KHDRBS2: variants seen among roughly 807,000 people sequenced by gnomAD.
KHDRBS2 encodes KH RNA binding domain containing, signal transduction associated 2.
In KHDRBS2, 26 loss-of-function variants were observed where a neutral mutation model predicts 44.3. The observed-to-expected ratio is 0.59, with a 90% CI of 0.43 to 0.81. KHDRBS2 has a LOEUF of 0.81. KHDRBS2 is among the 40% of genes least tolerant of loss of function. KHDRBS2 has a pLI of 0.00. For missense variants in KHDRBS2, 476 were observed against 433.1 expected (o/e 1.10, Z -0.88); for synonymous variants, 194 against 151.1 (o/e 1.28, Z -2.08).
At chr6:61,820,125 G>T (rs9453143) in intron 6 of KHDRBS2, among the ~76,000 whole-genome samples, 1,815 of 152,150 alleles carry the variant, frequency 0.012, 42 homozygotes, top group African/African-American at 0.042. Flanking sequence ...GAGCCAGAAA[G>T]AAAGTTAATG....
chr6:61,972,461 A>G (rs1771633336), intron 4 of KHDRBS2, among the ~76,000 whole-genome samples: 1 of 152,198 alleles, frequency 6.6e-6, no homozygotes, highest in Admixed American at 6.5e-5. Context: ...ACTAATAATT[A>G]CATAAATACA....
At chr6:62,108,093 T>C (rs1374519429) in intron 2 of KHDRBS2, among the ~76,000 whole-genome samples, 1 of 151,994 alleles carries the variant, frequency 6.6e-6, no homozygotes, top group Non-Finnish European at 1.5e-5. Context: ...AATGGACAAA[T>C]GGGATCTAAT....
the KHDRBS2 span, among the ~76,000 whole-genome samples, chr6:61,607,062 A>C: frequency 2.0e-5 from 3 of 152,258 alleles, no homozygotes; most frequent in Admixed American, 1.3e-4. Context: ...TAATATAGAA[A>C]ATAGGAAAAA....
At chr6:61,643,179 G>T in the KHDRBS2 span, among the ~76,000 whole-genome samples, 1 of 152,008 alleles carries the variant, frequency 6.6e-6, no homozygotes, top group East Asian at 1.9e-4. Flanking sequence ...AGCAAATTCT[G>T]TATATAAAAG....
At chr6:61,966,143 A>G (rs1334824226) in intron 4 of KHDRBS2, among the ~76,000 whole-genome samples, 1 of 152,038 alleles carries the variant, frequency 6.6e-6, no homozygotes, top group Non-Finnish European at 1.5e-5. Flanking sequence ...TTACGCTTAA[A>G]ATGAAATCTG....
chr6:61,728,331 A>G (rs1425303999), intron 7 of KHDRBS2, among the ~76,000 whole-genome samples: 1 of 152,032 alleles, frequency 6.6e-6, no homozygotes, highest in Non-Finnish European at 1.5e-5. Context: ...AGAATAGCTA[A>G]TGGATGCTGG....
At chr6:61,849,326 T>C (rs1414872529) in intron 6 of KHDRBS2, among the ~76,000 whole-genome samples, 1 of 152,116 alleles carries the variant, frequency 6.6e-6, no homozygotes, top group Non-Finnish European at 1.5e-5. Flanking sequence ...TGTCTGAGAG[T>C]AATGATTTCA....
chr6:61,936,936 A>G (rs1811133937), intron 4 of KHDRBS2, among the ~76,000 whole-genome samples: 1 of 152,066 alleles, frequency 6.6e-6, no homozygotes, highest in Non-Finnish European at 1.5e-5. Flanking sequence ...TAATTTATCC[A>G]TCTGAAGACT....
At chr6:61,778,610 T>A (rs1247516291) in intron 6 of KHDRBS2, among the ~76,000 whole-genome samples, 1 of 152,150 alleles carries the variant, frequency 6.6e-6, no homozygotes, top group Non-Finnish European at 1.5e-5. Context: ...ATGGACAGTT[T>A]TCTAAAGTTA....
chr6:61,642,753 A>G, the KHDRBS2 span, among the ~76,000 whole-genome samples: 1 of 152,158 alleles, frequency 6.6e-6, no homozygotes, highest in Non-Finnish European at 1.5e-5. Context: ...ATGTGCCTAC[A>G]TAAATAATGC....
chr6:61,816,763 A>G (rs1789020128), intron 6 of KHDRBS2: 1 of 371,226 alleles, frequency 2.7e-6, no homozygotes. Flanking sequence ...AAACAAAATT[A>G]ACTCACCATA....
chr6:61,567,714 TCTCC>T, the KHDRBS2 span, among the ~76,000 whole-genome samples: 9 of 96,210 alleles, frequency 9.4e-5, no homozygotes, highest in African/African-American at 3.2e-4. Context: ...CTTCTTCCTC[TCTCC>T]CTCCTTCTCT....
chr6:61,870,537 T>C (rs1460833742), intron 6 of KHDRBS2, among the ~76,000 whole-genome samples: 1 of 152,118 alleles, frequency 6.6e-6, no homozygotes, highest in East Asian at 1.9e-4. Context: ...AGTGTCAGAC[T>C]GCCTCCTCAA....
intron 6 of KHDRBS2, among the ~76,000 whole-genome samples, chr6:61,797,725 TTGTGTGTGTG>T (rs56038952): frequency 2.0e-3 from 231 of 114,820 alleles, no homozygotes; most frequent in African/African-American, 2.6e-3. Flanking sequence ...GTATGGTGTT[TTGTGTGTGTG>T]TGTGTGTGTG....
intron 6 of KHDRBS2, among the ~76,000 whole-genome samples, chr6:61,834,816 A>G (rs1192555331): frequency 1.3e-5 from 2 of 152,064 alleles, no homozygotes; most frequent in African/African-American, 2.4e-5. Context: ...GTACAAGTCT[A>G]TGTCTACTTA....
intron 6 of KHDRBS2, among the ~76,000 whole-genome samples, chr6:61,791,949 T>C (rs1314899163): frequency 1.3e-5 from 2 of 151,556 alleles, no homozygotes; most frequent in Non-Finnish European, 3.0e-5. Flanking sequence ...TTATCTTGTT[T>C]TTTTGATTTG....
At chr6:61,946,948 T>A (rs1416449180) in intron 4 of KHDRBS2, among the ~76,000 whole-genome samples, 3 of 152,158 alleles carry the variant, frequency 2.0e-5, no homozygotes, top group Non-Finnish European at 2.9e-5. Flanking sequence ...TTCCTTGTTT[T>A]ATAGAAGAAA....
Position 62,033,053 on chromosome 6 carries a change from T to A in KHDRBS2, c.336+14825A>T, listed in dbSNP as rs200994480. Reference sequence around the variant, plus strand: ...AAATGAATCAAGCAGAATTCTGGAGTTGAAAAATGTAACTGGCATACTAAA... The same window carrying A: ...AAATGAATCAAGCAGAATTCTGGAGATGAAAAATGTAACTGGCATACTAAA... On this transcript the variant is annotated intron_variant, in intron 3 of 8. Coordinates refer to ENST00000281156, the MANE Select transcript of KHDRBS2 (RefSeq NM_152688.4). Among the ~76,000 whole-genome samples the A allele has an allele frequency of 7.3e-5, 11 of 151,252 alleles. No homozygotes were observed. In the East Asian group the frequency reaches 1.6e-3, roughly 22 times the overall value.
At chr6:62,228,303 A>C (rs1338220926) in intron 1 of KHDRBS2, among the ~76,000 whole-genome samples, 1 of 151,802 alleles carries the variant, frequency 6.6e-6, no homozygotes, top group Non-Finnish European at 1.5e-5. Flanking sequence ...TTTCTAGTTG[A>C]TTTGCTAGAG....
Sources: allele counts gnomAD v4.1 joint callset (sites outside exome capture counted in the v4.1 genomes callset), GRCh38; gene constraint gnomAD v4.1.1; transcripts MANE v1.5; gene names NCBI Gene and HGNC (gene_info 2026-07-23, HGNC 2026-07-21).